The following FMN1 variants were observed in gnomAD, a reference collection of about 807,000 sequenced individuals.
FMN1 encodes the protein formin-1.
Under a neutral mutation model 132.4 loss-of-function variants are expected in FMN1, and 110 were observed. The ratio of observed to expected loss-of-function variants is 0.83; its 90% CI spans 0.71 to 0.97. The LOEUF is 0.97. Among genes scored for constraint, FMN1 ranks in the 50% least tolerant of loss-of-function variants. The pLI, the probability that FMN1 is intolerant of heterozygous loss-of-function variation, is 0.00. For synonymous variants in FMN1, 722 were observed against 651.7 expected (o/e 1.11, Z -1.64); for missense variants, 1,792 against 1,705.3 (o/e 1.05, Z -0.90).
At chr15:33,018,274 C>T (rs1426876634) in intron 6 of FMN1, among the ~76,000 whole-genome samples, 3 of 151,706 alleles carry the variant, frequency 2.0e-5, no homozygotes, top group Admixed American at 1.3e-4. Flanking sequence ...AAAGTGATGT[C>T]TTTTTTTTAA....
At chr15:32,819,551 G>C (rs1443809182) in intron 17 of FMN1, among the ~76,000 whole-genome samples, 1 of 152,154 alleles carries the variant, frequency 6.6e-6, no homozygotes, top group African/African-American at 2.4e-5. Context: ...AGAAAGTTCA[G>C]AGCAAAGAAT....
intron 7 of FMN1, among the ~76,000 whole-genome samples, chr15:33,006,429 A>T (rs1351176090): frequency 1.3e-5 from 2 of 152,168 alleles, no homozygotes; most frequent in African/African-American, 2.4e-5. Context: ...AAGAGAACCC[A>T]TGCACACTGT....
intron 7 of FMN1, among the ~76,000 whole-genome samples, chr15:32,988,561 G>C (rs2033229452): frequency 1.3e-5 from 2 of 152,190 alleles, no homozygotes; most frequent in African/African-American, 2.4e-5. Flanking sequence ...ATCTTTGGCA[G>C]AGCAATTTCC....
chr15:32,804,841 T>C (rs1045048774), intron 17 of FMN1, among the ~76,000 whole-genome samples: 1 of 152,158 alleles, frequency 6.6e-6, no homozygotes, highest in East Asian at 1.9e-4. Context: ...GGCATGAACT[T>C]ACCCTTTTTT....
intron 11 of FMN1, among the ~76,000 whole-genome samples, chr15:32,909,495 G>A (rs2060506173): frequency 6.6e-6 from 1 of 152,194 alleles, no homozygotes; most frequent in Non-Finnish European, 1.5e-5. Context: ...AATGAGCAAG[G>A]AATTGGTGAT....
At chr15:33,041,736 A>C (rs978421765) in intron 6 of FMN1, among the ~76,000 whole-genome samples, 1 of 152,166 alleles carries the variant, frequency 6.6e-6, no homozygotes, top group African/African-American at 2.4e-5. Context: ...TGAAAAAATT[A>C]GAACCCTTGT....
intron 4 of FMN1, among the ~76,000 whole-genome samples, chr15:33,125,935 TA>T (rs1963020399): frequency 6.6e-6 from 1 of 152,112 alleles, no homozygotes; most frequent in Admixed American, 6.6e-5. Context: ...AAACCATCTC[TA>T]ACAATTCACG....
At chr15:32,999,857 T>C (rs140276858) in intron 7 of FMN1, among the ~76,000 whole-genome samples, 38 of 152,328 alleles carry the variant, frequency 2.5e-4, no homozygotes, top group African/African-American at 8.4e-4. Context: ...AAAGGGCATG[T>C]ACTTTTCTTT....
chr15:33,151,472 C>T (rs1964436406), intron 4 of FMN1: 6 of 1,312,704 alleles, frequency 4.6e-6, no homozygotes, highest in Admixed American at 4.1e-5. Context: ...AGTGGGCTCA[C>T]GGTCAGTCTC....
At chr15:33,017,683 G>A (rs546379642) in intron 6 of FMN1, among the ~76,000 whole-genome samples, 9 of 152,260 alleles carry the variant, frequency 5.9e-5, no homozygotes, top group Admixed American at 3.3e-4. Flanking sequence ...ATATAAAAAT[G>A]TCAGTATCAA....
intron 19 of FMN1, among the ~76,000 whole-genome samples, chr15:32,780,042 T>C (rs2056614973): frequency 6.6e-6 from 1 of 152,228 alleles, no homozygotes; most frequent in Admixed American, 6.5e-5. Flanking sequence ...TTATTAACTG[T>C]GTGACCCTGC....
intron 6 of FMN1, among the ~76,000 whole-genome samples, chr15:33,029,154 C>T (rs1241791596): frequency 2.0e-5 from 3 of 151,972 alleles, no homozygotes; most frequent in Admixed American, 6.6e-5. Flanking sequence ...CCTCAAAATA[C>T]ATAAAGAAAC....
rs185612708 is a variant in FMN1, at chr15:32,861,143, T to C, written c.3836-4036A>G. Among the ~76,000 whole-genome samples the C allele has an allele frequency of 2.8e-4, 42 of 152,346 alleles. 2 individuals carry two copies. The highest frequency in any genetic ancestry group is 9.9e-4 in the African/African-American group (41 of 41,570). On this transcript the variant is annotated intron_variant, in intron 16 of 20. Transcript: ENST00000616417. ...CTATATTCAAATTCCAACAATTTCA[T>C]TTATATAGAATTGTTTTTCATGAAC...
chr15:32,977,034 T>C (rs1196952454), intron 7 of FMN1, among the ~76,000 whole-genome samples: 1 of 152,244 alleles, frequency 6.6e-6, no homozygotes, highest in Non-Finnish European at 1.5e-5. Flanking sequence ...ATTTATGCTC[T>C]TTCTGCCTTA....
intron 4 of FMN1, among the ~76,000 whole-genome samples, chr15:33,093,792 T>TA (rs2038984700): frequency 6.6e-6 from 1 of 152,216 alleles, no homozygotes; most frequent in Non-Finnish European, 1.5e-5. Context: ...GCAAGCTCTG[T>TA]AAGTCTGAAC....
chr15:33,070,445 T>C (rs10519780), intron 5 of FMN1, among the ~76,000 whole-genome samples: 20,551 of 150,920 alleles, frequency 0.14, 1,657 homozygotes, highest in Middle Eastern at 0.22. Context: ...TAACTAATTA[T>C]TGATTTCTGG....
At chr15:32,990,490 A>G (rs375572457) in intron 7 of FMN1, among the ~76,000 whole-genome samples, 1 of 152,314 alleles carries the variant, frequency 6.6e-6, no homozygotes, top group East Asian at 1.9e-4. Context: ...AAGTGGTAAG[A>G]TAATTTGCTA....
At chr15:32,808,233 C>A (rs947257520) in intron 17 of FMN1, among the ~76,000 whole-genome samples, 27 of 152,242 alleles carry the variant, frequency 1.8e-4, no homozygotes, top group African/African-American at 2.4e-5. Flanking sequence ...TATTCCATGG[C>A]TATGGGCCCA....
chr15:33,035,005 T>G (rs1403342599), intron 6 of FMN1, among the ~76,000 whole-genome samples: 2 of 152,228 alleles, frequency 1.3e-5, no homozygotes, highest in Non-Finnish European at 2.9e-5. Context: ...GGATTCCTTT[T>G]GACAGATGGC....
Sources: allele counts gnomAD v4.1 joint callset (sites outside exome capture counted in the v4.1 genomes callset), GRCh38; gene constraint gnomAD v4.1.1; transcripts MANE v1.5; gene names NCBI Gene and HGNC (gene_info 2026-07-23, HGNC 2026-07-21).